TPST2: variants seen among roughly 807,000 people sequenced by gnomAD.
The protein encoded by TPST2 is protein-tyrosine sulfotransferase 2.
Under a neutral mutation model 27.8 loss-of-function variants are expected in TPST2, and 16 were observed. The observed-to-expected ratio is 0.58, with a 90% CI of 0.39 to 0.88. The LOEUF is 0.88. TPST2 is among the 40% of genes least tolerant of loss of function. The pLI, the probability that TPST2 is intolerant of heterozygous loss-of-function variation, is 0.00. For synonymous variants in TPST2, 229 were observed against 231.7 expected, an observed-to-expected ratio of 0.99 and a Z score of 0.10; for missense variants, 464 against 543.1, an observed-to-expected ratio of 0.85 and a Z score of 1.45.
chr22:26,581,173 GA>G (rs1220376872), intron 1 of TPST2, among the ~76,000 whole-genome samples: 5 of 151,960 alleles, frequency 3.3e-5, no homozygotes, highest in Non-Finnish European at 5.9e-5. Flanking sequence ...AACCTTTCCT[GA>G]CCTCCTCTAC....
chr22:26,561,105 G>C, intron 1 of TPST2: 4 of 1,609,344 alleles, frequency 2.5e-6, no homozygotes, highest in Non-Finnish European at 2.5e-6. Context: ...TGAGGAAGAT[G>C]AAGAGGATGA....
At chr22:26,572,629 C>T (rs537673184) in intron 1 of TPST2, among the ~76,000 whole-genome samples, 4 of 152,016 alleles carry the variant, frequency 2.6e-5, no homozygotes, top group Admixed American at 1.3e-4. Context: ...CTGAATACCC[C>T]GACTAGATTA....
At chr22:26,552,034 A>G (rs1311955371) in intron 1 of TPST2, among the ~76,000 whole-genome samples, 1 of 151,470 alleles carries the variant, frequency 6.6e-6, no homozygotes, top group Admixed American at 6.6e-5. Context: ...GTGCACCACC[A>G]TGCCCGGCTA....
At chr22:26,580,134 C>T (rs1928038297) in intron 1 of TPST2, among the ~76,000 whole-genome samples, 1 of 151,856 alleles carries the variant, frequency 6.6e-6, no homozygotes. Context: ...GTCCCAGCTA[C>T]TCGAGAGGCT....
At chr22:26,589,699 G>T (rs945733442) in intron 1 of TPST2, among the ~76,000 whole-genome samples, 2 of 152,124 alleles carry the variant, frequency 1.3e-5, no homozygotes, top group African/African-American at 4.8e-5. Flanking sequence ...TGGGGACTCC[G>T]GAGGCGGGGA....
intron 1 of TPST2, among the ~76,000 whole-genome samples, chr22:26,579,434 AG>A (rs1927998918): frequency 6.6e-6 from 1 of 152,170 alleles, no homozygotes; most frequent in African/African-American, 2.4e-5. Flanking sequence ...CCGGTGGGGA[AG>A]GGAGGGCCCT....
At chr22:26,574,939 G>A (rs1353524673) in intron 1 of TPST2, among the ~76,000 whole-genome samples, 2 of 152,174 alleles carry the variant, frequency 1.3e-5, no homozygotes, top group Admixed American at 1.3e-4. Flanking sequence ...CATAAAATGA[G>A]ATGTGCCATG....
chr22:26,545,202 G>A (rs1304451310), intron 1 of TPST2, among the ~76,000 whole-genome samples: 1 of 152,152 alleles, frequency 6.6e-6, no homozygotes, highest in Admixed American at 6.5e-5. Context: ...CTGACCAAAT[G>A]CTGACCACGC....
At chr22:26,545,870 A>C (rs891687882) in intron 1 of TPST2, among the ~76,000 whole-genome samples, 1 of 152,156 alleles carries the variant, frequency 6.6e-6, no homozygotes, top group Non-Finnish European at 1.5e-5. Flanking sequence ...ACTTGAGCCC[A>C]GGAGTTAGAG....
chr22:26,578,460 C>T (rs1295360975), intron 1 of TPST2, among the ~76,000 whole-genome samples: 1 of 152,144 alleles, frequency 6.6e-6, no homozygotes, highest in Non-Finnish European at 1.5e-5. Flanking sequence ...GCCCTCCATC[C>T]ACGGTGAGGT....
intron 1 of TPST2, among the ~76,000 whole-genome samples, chr22:26,550,850 C>T (rs928237947): frequency 6.6e-6 from 1 of 152,188 alleles, no homozygotes; most frequent in Non-Finnish European, 1.5e-5. Flanking sequence ...GCCAAGAAAG[C>T]CCTCCAGATT....
At chr22:26,558,614 G>T (rs1365983846) in intron 1 of TPST2, among the ~76,000 whole-genome samples, 1 of 152,166 alleles carries the variant, frequency 6.6e-6, no homozygotes, top group Non-Finnish European at 1.5e-5. Context: ...TCTTGGGGTG[G>T]GCTTGCTGGT....
rs114370922 is a variant in TPST2, at chr22:26,529,834, G to A, written c.1093-1572C>T. 9.1e-3 allele frequency among the ~76,000 whole-genome samples: 1,377 copies of A among 152,024 alleles called. 19 individuals are homozygous for A. The highest frequency in any genetic ancestry group is 0.032 in the African/African-American group (1,328 of 41,458). On this transcript the variant is annotated intron_variant, in intron 5 of 6. Transcript: ENST00000338754. Reference sequence around the variant, plus strand: ...CAGCTAAGGCTTTCTCTTTTTTGTAGGGAGATGGGGTCTCACTGTGTTGGC... The same window carrying A: ...CAGCTAAGGCTTTCTCTTTTTTGTAAGGAGATGGGGTCTCACTGTGTTGGC...
In TPST2 at chr22:26,525,759, A is replaced by C. The variant is rs4275; in HGVS notation, c.*516T>G. 5.9e-5 allele frequency: 9 copies of C among 152,490 alleles called. No individual in the cohort carries two copies. In the East Asian group the frequency reaches 1.7e-3, roughly 30 times the overall value. The allele number at this position is 152,490 out of a possible 1,614,324, so 9.4% of individuals were successfully genotyped here. On this transcript the variant is annotated 3_prime_UTR_variant, in exon 7 of 7. Transcript: ENST00000338754. ...AAAAACCCTATTCATTCAGTAAAGTAAGGCACAAACAAATGAGCCTCTGTT... is the reference window on the plus strand; with the variant it reads ...AAAAACCCTATTCATTCAGTAAAGTCAGGCACAAACAAATGAGCCTCTGTT...
chr22:26,585,938 G>C (rs1355115675), intron 1 of TPST2, among the ~76,000 whole-genome samples: 3 of 152,126 alleles, frequency 2.0e-5, no homozygotes, highest in African/African-American at 7.2e-5. Context: ...AGCTACTCGG[G>C]AGGCTGAGGC....
chr22:26,528,748 C>T (rs544080245), intron 5 of TPST2, among the ~76,000 whole-genome samples: 2 of 152,172 alleles, frequency 1.3e-5, no homozygotes, highest in African/African-American at 2.4e-5. Flanking sequence ...TTTGGGAGGC[C>T]GAGGAGGGTG....
rs1173462895 is a variant in TPST2, at chr22:26,565,612, C to T, written c.-160-20937G>A. 2.0e-5 allele frequency: 3 copies of T among 152,342 alleles called. No individual in the cohort carries two copies. In the East Asian group the frequency reaches 5.8e-4, roughly 29 times the overall value. The allele number at this position is 152,342 out of a possible 1,614,324, so 9.4% of individuals were successfully genotyped here. ...AGAGGATGTCAGCCCCTGCCTAAAA[C>T]CTTCCACAGAATTCTAGCTCCTTCC... On this transcript the variant is annotated intron_variant, in intron 1 of 6. Coordinates refer to ENST00000338754, the MANE Select transcript of TPST2 (RefSeq NM_003595.5).
In TPST2 at chr22:26,540,800, G is replaced by A. The variant is rs58274935; in HGVS notation, c.831C>T (p.Val277=). 0.051 allele frequency: 80,369 copies of A among 1,589,004 alleles called. 2,446 individuals carry two copies. Among genetic ancestry groups the A allele is most frequent in the East Asian group, 0.078 (3,452 of 44,478 alleles). ...HEDLIGKPGG[V]SLSKIERSTD... ...GGGGCTCCACTCACTTGGACAGGGAGACACCACCGGGCTTGCCAATGAGGT... is the reference window on the plus strand; with the variant it reads ...GGGGCTCCACTCACTTGGACAGGGAAACACCACCGGGCTTGCCAATGAGGT... Residue 277 remains valine, a synonymous_variant, in exon 3 of 7, where the codon GTC becomes GTT. Transcript: ENST00000338754.
chr22:26,582,412 A>G (rs2267100), intron 1 of TPST2, among the ~76,000 whole-genome samples: 50,486 of 151,804 alleles, frequency 0.33, 8,844 homozygotes, highest in Middle Eastern at 0.43. Context: ...GGGCAACAAG[A>G]TCGAAACTCC....
Sources: gnomAD v4.1 joint callset for allele counts (sites outside exome capture counted in the v4.1 genomes callset) on GRCh38, gnomAD v4.1.1 for gene constraint, MANE v1.5 for transcripts, NCBI Gene and HGNC (gene_info 2026-07-23, HGNC 2026-07-21) for gene names.